The following MRPL42 variants were observed in gnomAD, a reference collection of about 807,000 sequenced individuals.
MRPL42 encodes large ribosomal subunit protein mL42.
A neutral mutation model predicts 17.9 loss-of-function variants in MRPL42; 17 were observed. The ratio of observed to expected loss-of-function variants is 0.95; its 90% CI spans 0.65 to 1.42. The LOEUF (loss-of-function observed/expected upper bound fraction) is 1.42, where lower values mean the gene tolerates loss of function less well. Ranked by LOEUF, MRPL42 falls within the 40% of genes most tolerant of loss-of-function variation. MRPL42 has a pLI of 0.00. For missense variants in MRPL42, 177 were observed against 175.2 expected (o/e 1.01, Z -0.06); for synonymous variants, 59 against 54.4 (o/e 1.08, Z -0.37).
At chr12:93,470,580 G>A (rs1183944296) in intron 2 of MRPL42, 5 of 1,252,464 alleles carry the variant, frequency 4.0e-6, no homozygotes, top group South Asian at 1.4e-5. Context: ...AGTGAACATA[G>A]TACCCAATAG....
At chr12:93,488,716 AC>A (rs1953357832) in intron 5 of MRPL42, among the ~76,000 whole-genome samples, 1 of 152,128 alleles carries the variant, frequency 6.6e-6, no homozygotes, top group Non-Finnish European at 1.5e-5. Flanking sequence ...GCAAATACTC[AC>A]ATTTTCCATC....
rs915390032 is a variant in MRPL42, at chr12:93,506,915, G to A, written c.*5694G>A. On this transcript the variant is annotated 3_prime_UTR_variant, in exon 6 of 6. Transcript: ENST00000549982. ...AATTACCATAAGAGCATAGAAGATA[G>A]AATCGTAAAGCTGAAAGACATCTTA... is the stretch of plus-strand genomic sequence containing the variant. 1 of 152,182 alleles carries A rather than the reference G, an allele frequency of 6.6e-6. No individual in the cohort carries two copies. The highest frequency in any genetic ancestry group is 2.4e-5 in the African/African-American group (1 of 41,454). The allele number at this position is 152,182 out of a possible 1,614,324, so 9.4% of individuals were successfully genotyped here. A position where few individuals can be genotyped will look rare whatever the true frequency, so the allele number is the denominator to read the frequency against.
At chr12:93,494,409 G>C (rs1329947900) in intron 5 of MRPL42, among the ~76,000 whole-genome samples, 1 of 152,214 alleles carries the variant, frequency 6.6e-6, no homozygotes, top group Non-Finnish European at 1.5e-5. Context: ...TGGAGATAGA[G>C]CTAACAAGAT....
intron 5 of MRPL42, among the ~76,000 whole-genome samples, chr12:93,497,357 C>T (rs889999518): frequency 6.6e-6 from 1 of 152,162 alleles, no homozygotes; most frequent in Non-Finnish European, 1.5e-5. Context: ...CCAAATCTAG[C>T]AGCACATCAA....
Position 93,469,238 on chromosome 12 carries a change from C to T in MRPL42, c.-48C>T. Reference sequence around the variant, plus strand: ...GAAGCAGATTCTAAAAGCAGTTTCTCTTCAGAACATCTTTTTTCATACCAC... The same window carrying T: ...GAAGCAGATTCTAAAAGCAGTTTCTTTTCAGAACATCTTTTTTCATACCAC... On this transcript the variant is annotated 5_prime_UTR_variant, in exon 2 of 6. Transcript: ENST00000549982. The T allele has an allele frequency of 6.7e-7, 1 of 1,485,078 alleles. No homozygotes were observed. Among genetic ancestry groups the T allele is most frequent in the South Asian group, 1.2e-5 (1 of 82,604 alleles). The allele number at this position is 1,485,078 out of a possible 1,614,324, so 92.0% of individuals were successfully genotyped here.
chr12:93,499,438 G>A (rs2936292), intron 5 of MRPL42, among the ~76,000 whole-genome samples: 43 of 151,680 alleles, frequency 2.8e-4, no homozygotes, highest in Non-Finnish European at 3.8e-4. Context: ...ACTGCCCAGA[G>A]AAACACCTAT....
chr12:93,475,845 G>C lies in MRPL42; in HGVS notation c.71-1109G>C, dbSNP rs372004512. ...AAAAATACAAAAAAATTAGCCAGGC[G>C]TGGTGGGGGCCTGTAGTCCCAGCTA... On this transcript the variant is annotated intron_variant, in intron 2 of 5. Coordinates refer to ENST00000549982, the MANE Select transcript of MRPL42 (RefSeq NM_014050.4). Among the ~76,000 whole-genome samples, 5 of 151,908 alleles carry C rather than the reference G, an allele frequency of 3.3e-5. No homozygotes were observed. The East Asian group carries it at 5.9e-4, about 18-fold the overall frequency.
intron 3 of MRPL42, among the ~76,000 whole-genome samples, chr12:93,478,425 A>G (rs892635666): frequency 6.7e-6 from 1 of 150,318 alleles, no homozygotes; most frequent in Non-Finnish European, 1.5e-5. Context: ...ATTTTTTTTT[A>G]TTTTTTGTAG....
At chr12:93,500,278 G>C (rs998436589) in intron 5 of MRPL42, among the ~76,000 whole-genome samples, 1 of 152,036 alleles carries the variant, frequency 6.6e-6, no homozygotes, top group African/African-American at 2.4e-5. Flanking sequence ...GGAATTACTA[G>C]GTCAAAAATT....
intron 2 of MRPL42, among the ~76,000 whole-genome samples, chr12:93,472,290 C>A (rs546858158): frequency 6.6e-6 from 1 of 152,242 alleles, no homozygotes; most frequent in African/African-American, 2.4e-5. Context: ...CCTGTTGCTA[C>A]TATTATTGAA....
rs1161752720 is a variant in MRPL42, at chr12:93,503,090, T to C, written c.*1869T>C. The stretch of plus-strand genomic sequence containing the variant: ...ACATTTTATGAAAGATCTACTTATT[T>C]GTCTGTTTTGCAGACATTTTAAAAT... On this transcript the variant is annotated 3_prime_UTR_variant, in exon 6 of 6. Coordinates refer to ENST00000549982, the MANE Select transcript of MRPL42 (RefSeq NM_014050.4). 1 of 152,260 alleles carries C rather than the reference T, an allele frequency of 6.6e-6. No homozygotes were observed. The highest frequency in any genetic ancestry group is 1.5e-5 in the Non-Finnish European group (1 of 68,050). The allele number at this position is 152,260 out of a possible 1,614,324, so 9.4% of individuals were successfully genotyped here. A position where few individuals can be genotyped will look rare whatever the true frequency, so the allele number is the denominator to read the frequency against.
At chr12:93,488,202 C>T (rs1953344542) in intron 5 of MRPL42, 1 of 382,366 alleles carries the variant, frequency 2.6e-6, no homozygotes, top group Admixed American at 4.5e-5. Flanking sequence ...GAACTCCTGA[C>T]CTTGTGATCC....
At chr12:93,476,408 A>G (rs1169065807) in intron 2 of MRPL42, among the ~76,000 whole-genome samples, 4 of 152,162 alleles carry the variant, frequency 2.6e-5, no homozygotes, top group Non-Finnish European at 5.9e-5. Context: ...ACCTCAGGTG[A>G]TCTGCCCACC....
intron 4 of MRPL42, among the ~76,000 whole-genome samples, chr12:93,486,571 C>T (rs1201901197): frequency 6.6e-6 from 1 of 152,176 alleles, no homozygotes; most frequent in Non-Finnish European, 1.5e-5. Context: ...CTCCTGACCT[C>T]AGGTGATCCA....
chr12:93,470,215 T>C (rs1879842838), intron 2 of MRPL42, among the ~76,000 whole-genome samples: 1 of 152,178 alleles, frequency 6.6e-6, no homozygotes, highest in Non-Finnish European at 1.5e-5. Flanking sequence ...GAACTGTATA[T>C]AGTTAGTATT....
At chr12:93,482,028 A>G (rs576854375) in intron 4 of MRPL42, among the ~76,000 whole-genome samples, 3 of 152,132 alleles carry the variant, frequency 2.0e-5, no homozygotes, top group East Asian at 3.9e-4. Context: ...TCTCTGCCAC[A>G]TCATCAATAT....
At position 93,516,099 on chromosome 12, in the gene MRPL42, A is replaced by G. The variant is rs1187678917; in HGVS notation, c.*14878A>G. 6.6e-6 allele frequency: 1 copy of G among 152,110 alleles called. No homozygotes were observed. Among genetic ancestry groups the G allele is most frequent in the East Asian group, 1.9e-4 (1 of 5,190 alleles). 9.4% of individuals were successfully genotyped at this position (152,110 alleles called of 1,614,324 possible). A position where few individuals can be genotyped will look rare whatever the true frequency, so the allele number is the denominator to read the frequency against. On this transcript the variant is annotated 3_prime_UTR_variant, in exon 6 of 6. Coordinates refer to ENST00000549982, the MANE Select transcript of MRPL42 (RefSeq NM_014050.4). Reference sequence around the variant, plus strand: ...ACCCGTTTCCTTAGACCCTCTCCCAATCCCAAATTCTATACTAGGTTCTTC... The same window carrying G: ...ACCCGTTTCCTTAGACCCTCTCCCAGTCCCAAATTCTATACTAGGTTCTTC...
intron 5 of MRPL42, among the ~76,000 whole-genome samples, chr12:93,490,430 C>G (rs574543813): frequency 6.6e-6 from 1 of 152,110 alleles, no homozygotes; most frequent in African/African-American, 2.4e-5. Context: ...CAGAGAAACC[C>G]CAGAGACTAG....
At chr12:93,469,039 C>T (rs1198598937) in intron 1 of MRPL42, 153 bp from the exon 2 acceptor site, 3 of 441,172 alleles carry the variant, frequency 6.8e-6, no homozygotes, top group East Asian at 7.7e-5. Context: ...TGTCGCTCTT[C>T]GTCCTGTTGT....
Sources: allele counts gnomAD v4.1 joint callset (sites outside exome capture counted in the v4.1 genomes callset), GRCh38; gene constraint gnomAD v4.1.1; transcripts MANE v1.5; gene names NCBI Gene and HGNC (gene_info 2026-07-23, HGNC 2026-07-21).